Variants in YAP1 observed in about 807,000 individuals in gnomAD.
The protein encoded by YAP1 is Yes1 associated transcriptional regulator, also known as transcriptional coactivator YAP1.
Under a neutral mutation model 56.9 loss-of-function variants are expected in YAP1, and 5 were observed. The observed-to-expected ratio is 0.09, with a 90% CI of 0.05 to 0.18. The LOEUF (loss-of-function observed/expected upper bound fraction) is 0.18. Ranked by LOEUF, YAP1 falls within the 10% of genes least tolerant of loss-of-function variation. YAP1 has a pLI of 1.00. For synonymous variants in YAP1, 265 were observed against 248.1 expected, an observed-to-expected ratio of 1.07 and a Z score of -0.64; for missense variants, 539 against 651.8, an observed-to-expected ratio of 0.83 and a Z score of 1.88.
At chr11:102,168,992 GT>G (rs1416307668) in intron 3 of YAP1, among the ~76,000 whole-genome samples, 3 of 152,144 alleles carry the variant, frequency 2.0e-5, no homozygotes. Context: ...AAACTTTAAA[GT>G]TTTACTTTTC....
At chr11:102,215,326 T>C (rs752146531) in intron 6 of YAP1, among the ~76,000 whole-genome samples, 1 of 152,174 alleles carries the variant, frequency 6.6e-6, no homozygotes, top group Non-Finnish European at 1.5e-5. Flanking sequence ...ACAAATTGAT[T>C]ACCACCCTCC....
In YAP1 at chr11:102,111,073, C is replaced by A; in HGVS notation, c.225C>A (p.Pro75=). Reference sequence around the variant, plus strand: ...CGCTCTTCAACGCCGTCATGAACCCCAAGACGGCCAACGTGCCCCAGACCG... The same window carrying A: ...CGCTCTTCAACGCCGTCATGAACCCAAAGACGGCCAACGTGCCCCAGACCG... ...LEALFNAVMN[P]KTANVPQTVP... The change falls in exon 1 of 9, where the codon CCC becomes CCA. Residue 75 remains proline (P), a synonymous_variant. Transcript: ENST00000282441. The A allele has an allele frequency of 6.2e-7, 1 of 1,613,400 alleles. No homozygotes were observed. Among genetic ancestry groups the A allele is most frequent in the Non-Finnish European group, 8.5e-7 (1 of 1,179,832 alleles).
chr11:102,188,810 A>G (rs1473669115), intron 4 of YAP1, among the ~76,000 whole-genome samples: 1 of 152,224 alleles, frequency 6.6e-6, no homozygotes, highest in Non-Finnish European at 1.5e-5. Flanking sequence ...ATTAAGTGAC[A>G]CATGACTATA....
At chr11:102,227,992 A>G (rs564226948) in intron 8 of YAP1, among the ~76,000 whole-genome samples, 1 of 151,466 alleles carries the variant, frequency 6.6e-6, no homozygotes, top group Admixed American at 6.6e-5. Flanking sequence ...GGATGGATTG[A>G]GCCCCGGTGA....
At chr11:102,139,206 A>C (rs1944860726) in intron 2 of YAP1, among the ~76,000 whole-genome samples, 1 of 148,992 alleles carries the variant, frequency 6.7e-6, no homozygotes, top group African/African-American at 2.4e-5. Flanking sequence ...TTAGCAGGAT[A>C]TTCCTAGTTG....
At chr11:102,222,929 G>A (rs576832410) in intron 6 of YAP1, among the ~76,000 whole-genome samples, 13 of 151,892 alleles carry the variant, frequency 8.6e-5, no homozygotes, top group South Asian at 6.2e-4. Context: ...AAGAGTTGTC[G>A]AGTAAAAGCA....
intron 2 of YAP1, among the ~76,000 whole-genome samples, chr11:102,129,796 T>C (rs1333088021): frequency 2.7e-5 from 3 of 109,614 alleles, no homozygotes; most frequent in African/African-American, 1.3e-4. Flanking sequence ...GAAGCAAAAC[T>C]TTTTTTTTTT....
intron 2 of YAP1, among the ~76,000 whole-genome samples, chr11:102,142,456 T>C (rs1945076939): frequency 6.6e-6 from 1 of 152,214 alleles, no homozygotes; most frequent in Non-Finnish European, 1.5e-5. Context: ...CTGTTTCTGA[T>C]TTGTACTTTT....
intron 4 of YAP1, among the ~76,000 whole-genome samples, chr11:102,203,665 A>G (rs1260749747): frequency 6.6e-6 from 1 of 152,234 alleles, no homozygotes; most frequent in Non-Finnish European, 1.5e-5. Context: ...TTCTATGTTT[A>G]TGGAAATTAC....
chr11:102,222,982 C>T (rs577718237), intron 6 of YAP1, among the ~76,000 whole-genome samples: 2 of 151,810 alleles, frequency 1.3e-5, no homozygotes, highest in African/African-American at 2.4e-5. Context: ...CGGTGGCTCA[C>T]GTCTGTAATC....
intron 2 of YAP1, among the ~76,000 whole-genome samples, chr11:102,160,793 A>G (rs181407196): frequency 5.9e-5 from 9 of 152,314 alleles, no homozygotes; most frequent in South Asian, 2.1e-4. Context: ...AGTGGAAGCA[A>G]TGCTTGTATC....
rs953409628 is a variant in YAP1, at chr11:102,221,083, G to C, written c.1033-2539G>C. Among the ~76,000 whole-genome samples, 8 of 152,330 alleles carry C rather than the reference G, an allele frequency of 5.3e-5. No individual in the cohort carries two copies. In the East Asian group the frequency reaches 1.3e-3, roughly 26 times the overall value. ...GGTCACTGGAATCCAGAAGGTTCAG[G>C]AAGCTGTCAGGTTAAGTGAATTGTC... On this transcript the variant is annotated intron_variant, in intron 6 of 8. Transcript: ENST00000282441.
rs1423930764 is a variant in YAP1, at chr11:102,162,528, C to A, written c.645C>A (p.Pro215=). The change falls in exon 3 of 9, where the codon CCC becomes CCA. Residue 215 remains proline, a synonymous_variant. Coordinates refer to ENST00000282441, the MANE Select transcript of YAP1 (RefSeq NM_001130145.3). ...AMLSQMNVTA[P]TSPPVQQNMM... ...TGTCCCAGATGAACGTCACAGCCCC[C>A]ACCAGTCCACCAGTGCAGCAGAATA... 1 of 1,614,086 alleles carries A rather than the reference C, an allele frequency of 6.2e-7. No individual in the cohort carries two copies. Among genetic ancestry groups the A allele is most frequent in the Non-Finnish European group, 8.5e-7 (1 of 1,180,032 alleles).
intron 3 of YAP1, among the ~76,000 whole-genome samples, chr11:102,181,553 C>T (rs1947626469): frequency 1.3e-5 from 2 of 152,074 alleles, no homozygotes; most frequent in Admixed American, 1.3e-4. Context: ...TCATTAAGGA[C>T]AAATGTGAAA....
chr11:102,183,164 G>C (rs1947730955), intron 3 of YAP1, among the ~76,000 whole-genome samples: 1 of 152,212 alleles, frequency 6.6e-6, no homozygotes, highest in Non-Finnish European at 1.5e-5. Context: ...TGGAAAGGCT[G>C]AATTAAAGAA....
At chr11:102,213,571 G>C (rs920867098) in intron 6 of YAP1, among the ~76,000 whole-genome samples, 1 of 152,154 alleles carries the variant, frequency 6.6e-6, no homozygotes, top group Admixed American at 6.5e-5. Flanking sequence ...ACTGGCTCAT[G>C]GTCTGTGGTC....
At position 102,110,843 on chromosome 11, in the gene YAP1, G is replaced by A; in HGVS notation, c.-6G>A. On this transcript the variant is annotated 5_prime_UTR_variant, in exon 1 of 9. Coordinates refer to ENST00000282441, the MANE Select transcript of YAP1 (RefSeq NM_001130145.3). ...CAGGGGGTGCGCGTCGGGGGAGGCAGAAGCCATGGATCCCGGGCAGCAGCC... is the reference window on the plus strand; with the variant it reads ...CAGGGGGTGCGCGTCGGGGGAGGCAAAAGCCATGGATCCCGGGCAGCAGCC... 7.1e-7 allele frequency: 1 copy of A among 1,401,568 alleles called. No homozygotes were observed. The allele number at this position is 1,401,568 out of a possible 1,614,324, so 86.8% of individuals were successfully genotyped here.
chr11:102,167,036 C>CT (rs567032612), intron 3 of YAP1, among the ~76,000 whole-genome samples: 133 of 152,242 alleles, frequency 8.7e-4, no homozygotes, highest in African/African-American at 3.1e-3. Flanking sequence ...TATAATTATG[C>CT]TTTTATAAGT....
At chr11:102,200,527 C>T (rs1044112508) in intron 4 of YAP1, among the ~76,000 whole-genome samples, 1 of 150,732 alleles carries the variant, frequency 6.6e-6, no homozygotes, top group Non-Finnish European at 1.5e-5. Flanking sequence ...GTGCTGCAAC[C>T]TCTGCCCCCC....
Sources: gnomAD v4.1 joint callset for allele counts (sites outside exome capture counted in the v4.1 genomes callset) on GRCh38, gnomAD v4.1.1 for gene constraint, MANE v1.5 for transcripts, NCBI Gene and HGNC (gene_info 2026-07-23, HGNC 2026-07-21) for gene names.